CDK18: variants seen among roughly 807,000 people sequenced by gnomAD.
CDK18 encodes cyclin-dependent kinase 18.
CDK18 carries 52 observed loss-of-function variants against 62.0 expected under a neutral mutation model. The ratio of observed to expected loss-of-function variants is 0.84; its 90% CI spans 0.67 to 1.06. CDK18 has a LOEUF of 1.06. Among genes scored for constraint, CDK18 ranks in the 50% least tolerant of loss-of-function variants. The pLI, the probability that CDK18 is intolerant of heterozygous loss-of-function variation, is 0.00. For missense variants in CDK18, 604 were observed against 619.9 expected (o/e 0.97, Z 0.27); for synonymous variants, 237 against 247.0 (o/e 0.96, Z 0.38).
In CDK18 at chr1:205,529,579, G is replaced by C; in HGVS notation, c.1221+16G>C. The stretch of plus-strand genomic sequence containing the variant: ...CCTGCTCCTGGTGAGTGTCCTCCCG[G>C]CGGGGCCCAGGGAGAGGCAGCCAAA... On this transcript the variant is annotated intron_variant, in intron 13 of 15. Transcript: ENST00000429964. The C allele has an allele frequency of 1.9e-6, 3 of 1,613,628 alleles. No homozygotes were observed. The highest frequency in any genetic ancestry group is 2.5e-6 in the Non-Finnish European group (3 of 1,179,984).
rs184656306 is a variant in CDK18 at position 205,517,435 on chromosome 1, A to G, written c.-21-5712A>G. Among the ~76,000 whole-genome samples the G allele has an allele frequency of 1.1e-3, 163 of 152,268 alleles. No homozygotes were observed. Among genetic ancestry groups the G allele is most frequent in the African/African-American group, 3.9e-3 (160 of 41,550 alleles). ...GCAGTAGCTTGAGAGAGGAGAGCCA[A>G]GCTTTGCTGGACATCTTCCCTGTGC... On this transcript the variant is annotated intron_variant, in intron 1 of 15. Coordinates refer to ENST00000429964, the MANE Select transcript of CDK18 (RefSeq NM_212502.3). The surrounding 1 kb of genome is among the most constrained non-coding windows in gnomAD (Gnocchi z 4.1).
At chr1:205,507,142 A>G (rs1479276232) in intron 1 of CDK18, among the ~76,000 whole-genome samples, 1 of 152,140 alleles carries the variant, frequency 6.6e-6, no homozygotes, top group African/African-American at 2.4e-5. Flanking sequence ...CAGCATCTCC[A>G]TCTACCTGTC....
chr1:205,522,969 G>C, intron 1 of CDK18, 178 bp from the exon 2 acceptor site: 1 of 610,712 alleles, frequency 1.6e-6, no homozygotes, highest in African/African-American at 1.8e-5. Context: ...CTGGGAAGAA[G>C]AGGGTGAACA....
chr1:205,529,635 TA>T, intron 13 of CDK18, 72 bp downstream of exon 13: 3 of 1,610,862 alleles, frequency 1.9e-6, no homozygotes, highest in Non-Finnish European at 2.5e-6. Flanking sequence ...ATGCCGGGCC[TA>T]CGCCCCAACT....
chr1:205,529,852 T>C, intron 13 of CDK18: 2 of 1,346,870 alleles, frequency 1.5e-6, no homozygotes, highest in South Asian at 2.9e-5. Flanking sequence ...ATACCTATTT[T>C]ATAAGATGGC....
chr1:205,527,603 C>T lies in CDK18; in HGVS notation c.730-191C>T, dbSNP rs1487116443. ...CCACACTCACTGCGTCCTCTGCACCCCTGCTGTCCTCCCCTCTGGATGGGA... is the reference window on the plus strand; with the variant it reads ...CCACACTCACTGCGTCCTCTGCACCTCTGCTGTCCTCCCCTCTGGATGGGA... On this transcript the variant is annotated intron_variant, in intron 8 of 15. Transcript: ENST00000429964. The surrounding 1 kb of genome is among the most constrained non-coding windows in gnomAD (Gnocchi z 4.1). The T allele has an allele frequency of 2.8e-5, 17 of 612,550 alleles. No individual in the cohort carries two copies. Among genetic ancestry groups the T allele is most frequent in the Non-Finnish European group, 5.0e-5 (17 of 343,360 alleles). 37.9% of individuals were successfully genotyped at this position (612,550 alleles called of 1,614,324 possible).
rs1007921859 is a variant in CDK18 at position 205,527,521 on chromosome 1, C to A, written c.730-273C>A. ...AAAAAGGGATCAAGCACATATGTCT[C>A]CACATAGGCGGGCATCCTGACCCCC... is the stretch of plus-strand genomic sequence containing the variant. On this transcript the variant is annotated intron_variant, in intron 8 of 15. Transcript: ENST00000429964. The surrounding 1 kb of genome is among the most constrained non-coding windows in gnomAD (Gnocchi z 4.1). 1.4e-5 allele frequency: 6 copies of A among 426,144 alleles called. No homozygotes were observed. Among genetic ancestry groups the A allele is most frequent in the Non-Finnish European group, 2.1e-5 (5 of 234,652 alleles). The allele number at this position is 426,144 out of a possible 1,614,324, so 26.4% of individuals were successfully genotyped here. A position where few individuals can be genotyped will look rare whatever the true frequency, so the allele number is the denominator to read the frequency against.
chr1:205,526,620 C>G (rs1157080382), intron 7 of CDK18, 155 bp from the exon 8 acceptor site: 1 of 943,096 alleles, frequency 1.1e-6, no homozygotes, highest in Non-Finnish European at 1.7e-6. Flanking sequence ...AGGAGTGGGC[C>G]AAGAGCTCAG....
At chr1:205,506,354 C>T (rs1163173515) in intron 1 of CDK18, among the ~76,000 whole-genome samples, 1 of 152,032 alleles carries the variant, frequency 6.6e-6, no homozygotes, top group East Asian at 1.9e-4. Flanking sequence ...CTGGGGTGTA[C>T]CTGACCATTG....
intron 1 of CDK18, among the ~76,000 whole-genome samples, chr1:205,508,006 C>T (rs962074959): frequency 6.6e-6 from 1 of 152,202 alleles, no homozygotes; most frequent in African/African-American, 2.4e-5. Flanking sequence ...GCAGCAGTCT[C>T]TTGCTCTGAG....
intron 1 of CDK18, among the ~76,000 whole-genome samples, chr1:205,519,810 G>T (rs1321791075): frequency 2.0e-5 from 3 of 151,450 alleles, no homozygotes; most frequent in African/African-American, 4.9e-5. Flanking sequence ...CCTTCCCGGA[G>T]GCTTTTAATG....
chr1:205,530,865 C>T (rs998984570), intron 15 of CDK18, among the ~76,000 whole-genome samples, 160 bp downstream of exon 15: 7 of 152,198 alleles, frequency 4.6e-5, no homozygotes, highest in African/African-American at 9.7e-5. Context: ...TAGACTTCCT[C>T]GTCCAGCTCT....
Position 205,508,664 on chromosome 1 carries a change from G to A in CDK18, c.-22+3868G>A, listed in dbSNP as rs576236823. 2.9e-4 allele frequency among the ~76,000 whole-genome samples: 44 copies of A among 152,214 alleles called. 1 individual carries two copies. The highest frequency in any genetic ancestry group is 2.1e-3 in the Admixed American group (32 of 15,294). ...GGTCGAAACCAGACTGGGCAACATGGCAAGACCCCATCTCTAAAAAAATAC... is the reference window on the plus strand; with the variant it reads ...GGTCGAAACCAGACTGGGCAACATGACAAGACCCCATCTCTAAAAAAATAC... On this transcript the variant is annotated intron_variant, in intron 1 of 15. Transcript: ENST00000429964.
At chr1:205,520,656 C>T (rs1006828042) in intron 1 of CDK18, among the ~76,000 whole-genome samples, 17 of 149,342 alleles carry the variant, frequency 1.1e-4, no homozygotes, top group South Asian at 2.1e-4. Context: ...GCCAAGATCA[C>T]GCCACTGCAC....
In CDK18 at chr1:205,531,534, T is replaced by A; in HGVS notation, c.*156T>A. 1.5e-6 allele frequency: 1 copy of A among 674,134 alleles called. No homozygotes were observed. Among genetic ancestry groups the A allele is most frequent in the Non-Finnish European group, 2.7e-6 (1 of 371,814 alleles). 41.8% of individuals were successfully genotyped at this position (674,134 alleles called of 1,614,324 possible). A position where few individuals can be genotyped will look rare whatever the true frequency, so the allele number is the denominator to read the frequency against. On this transcript the variant is annotated 3_prime_UTR_variant, in exon 16 of 16. Coordinates refer to ENST00000429964, the MANE Select transcript of CDK18 (RefSeq NM_212502.3). ...CAGCCCTTCTGGCCACGGCTGTTTC[T>A]TCTTTGTGCTTCCCGTGTGCCTCCC...
rs570340791 is a variant in CDK18, at chr1:205,530,114, G to A, written c.1222-145G>A. Reference sequence around the variant, plus strand: ...GAGATGGCCTGAGGTTGGGTTTGTGGTAGGGGCTGGAGGCTGACCTGGGGC... The same window carrying A: ...GAGATGGCCTGAGGTTGGGTTTGTGATAGGGGCTGGAGGCTGACCTGGGGC... On this transcript the variant is annotated intron_variant, in intron 13 of 15. Transcript: ENST00000429964. The A allele has an allele frequency of 1.6e-5, 24 of 1,463,830 alleles. No homozygotes were observed. The East Asian group carries it at 3.9e-4, about 24-fold the overall frequency. 90.7% of individuals were successfully genotyped at this position (1,463,830 alleles called of 1,614,324 possible).
At position 205,529,596 on chromosome 1, in the gene CDK18, G is replaced by A. The variant is rs185731716; in HGVS notation, c.1221+33G>A. The A allele has an allele frequency of 1.6e-4, 261 of 1,613,412 alleles. 2 individuals are homozygous for A. The African/African-American group carries it at 2.7e-3, about 17-fold the overall frequency. ...TCCTCCCGGCGGGGCCCAGGGAGAG[G>A]CAGCCAAAGAGCCAGGTCCCTGTGC... On this transcript the variant is annotated intron_variant, in intron 13 of 15. Transcript: ENST00000429964.
intron 1 of CDK18, among the ~76,000 whole-genome samples, chr1:205,518,763 A>G (rs1558773418): frequency 2.0e-5 from 3 of 152,320 alleles, no homozygotes; most frequent in East Asian, 3.9e-4. Flanking sequence ...GCCTCTGGCA[A>G]GTGCTGGCTT....
chr1:205,530,156 A>G (rs539726773), intron 13 of CDK18, 103 bp from the exon 14 acceptor site: 1 of 1,558,878 alleles, frequency 6.4e-7, no homozygotes, highest in Non-Finnish European at 8.6e-7. Flanking sequence ...TGTTAGCCTC[A>G]AGCCTCACCC....
Sources: allele counts gnomAD v4.1 joint callset (sites outside exome capture counted in the v4.1 genomes callset), GRCh38; gene constraint gnomAD v4.1.1; non-coding constraint Gnocchi (gnomAD v3.1); transcripts MANE v1.5; gene names NCBI Gene and HGNC (gene_info 2026-07-23, HGNC 2026-07-21).